Variants in FBXW8 observed in about 807,000 individuals in gnomAD.
FBXW8 encodes F-box and WD repeat domain containing 8.
FBXW8 carries 57 observed loss-of-function variants against 65.3 expected under a neutral mutation model. The ratio of observed to expected loss-of-function variants is 0.87; its 90% CI spans 0.71 to 1.09. The LOEUF (loss-of-function observed/expected upper bound fraction) is 1.09. FBXW8 is among the 50% of genes least tolerant of loss of function. FBXW8 has a pLI of 0.00. For synonymous variants in FBXW8, 308 were observed against 330.2 expected, an observed-to-expected ratio of 0.93 and a Z score of 0.73; for missense variants, 777 against 814.8, an observed-to-expected ratio of 0.95 and a Z score of 0.57.
At position 116,956,260 on chromosome 12, in the gene FBXW8, C is replaced by T. The variant is rs554879972; in HGVS notation, c.677+6554C>T. Among the ~76,000 whole-genome samples the T allele has an allele frequency of 5.3e-5, 8 of 152,176 alleles. No individual in the cohort carries two copies. The South Asian group carries it at 1.7e-3, about 32-fold the overall frequency. On this transcript the variant is annotated intron_variant, in intron 4 of 10. Transcript: ENST00000652555. ...CTGTGTATCCATGCTTCTCTTCTGCCTAGTGTGGTTGGAAGGAGAACTGTA... is the reference window on the plus strand; with the variant it reads ...CTGTGTATCCATGCTTCTCTTCTGCTTAGTGTGGTTGGAAGGAGAACTGTA...
chr12:116,917,473 T>C (rs1880522052), intron 1 of FBXW8, among the ~76,000 whole-genome samples: 1 of 152,238 alleles, frequency 6.6e-6, no homozygotes, highest in African/African-American at 2.4e-5. Context: ...CCTGCCCCCG[T>C]TTCTTCTCCA....
At chr12:117,005,676 A>T (rs1953657795) in intron 7 of FBXW8, among the ~76,000 whole-genome samples, 1 of 152,234 alleles carries the variant, frequency 6.6e-6, no homozygotes, top group Non-Finnish European at 1.5e-5. Flanking sequence ...GACCAGGGGA[A>T]TGGGCACTAT....
chr12:116,993,777 C>A (rs954553819), intron 7 of FBXW8, among the ~76,000 whole-genome samples: 1 of 152,118 alleles, frequency 6.6e-6, no homozygotes, highest in Non-Finnish European at 1.5e-5. Flanking sequence ...GTTTTTGTTA[C>A]ATTTGCTTTT....
chr12:116,931,351 C>T (rs1881757126), intron 2 of FBXW8, among the ~76,000 whole-genome samples: 1 of 149,600 alleles, frequency 6.7e-6, no homozygotes, highest in Admixed American at 6.7e-5. Context: ...CTCAGGATTG[C>T]TTTGGCTATT....
chr12:116,942,095 A>AAT (rs1882606063), intron 2 of FBXW8, among the ~76,000 whole-genome samples: 1 of 151,970 alleles, frequency 6.6e-6, no homozygotes, highest in South Asian at 2.1e-4. Flanking sequence ...ATGGTGCAAT[A>AAT]ATAGCTCACT....
chr12:116,962,332 T>C (rs1335490294), intron 4 of FBXW8, among the ~76,000 whole-genome samples: 1 of 152,202 alleles, frequency 6.6e-6, no homozygotes, highest in Non-Finnish European at 1.5e-5. Context: ...CTCACTATTG[T>C]CTGGTTCAGC....
chr12:116,988,776 C>T lies in FBXW8; in HGVS notation c.1146C>T (p.Tyr382=), dbSNP rs759275514. The change falls in exon 7 of 11, where the codon TAC becomes TAT. Residue 382 remains tyrosine (Y), a synonymous_variant. Transcript: ENST00000652555. ...KAEDSARTLL[Y]AHGPPVTCLD... is the part of the protein sequence containing the mutation. The stretch of plus-strand genomic sequence containing the variant: ...AAGACTCCGCCAGAACCCTCCTTTA[C>T]GCCCACGGCCCGCCTGTCACATGTC... 12 of 1,614,050 alleles carry T rather than the reference C, an allele frequency of 7.4e-6. No homozygotes were observed. In the Admixed American group the frequency reaches 1.0e-4, roughly 13 times the overall value.
intron 5 of FBXW8, among the ~76,000 whole-genome samples, chr12:116,981,767 C>T (rs934887366): frequency 7.9e-5 from 12 of 152,112 alleles, no homozygotes; most frequent in African/African-American, 2.9e-4. Flanking sequence ...GTGCCCACCA[C>T]AATGACTGGC....
chr12:116,985,885 A>C (rs1885644199), intron 6 of FBXW8: 1 of 153,388 alleles, frequency 6.5e-6, no homozygotes, highest in Admixed American at 6.4e-5. Context: ...CTCTTGCGTG[A>C]AGATAGATTT....
chr12:116,939,833 C>T (rs1882432968), intron 2 of FBXW8, among the ~76,000 whole-genome samples: 1 of 152,208 alleles, frequency 6.6e-6, no homozygotes, highest in Non-Finnish European at 1.5e-5. Context: ...TGGCCTGGCT[C>T]ACTCACAGCT....
chr12:117,022,224 G>A (rs1397431670), intron 8 of FBXW8, among the ~76,000 whole-genome samples: 1 of 152,050 alleles, frequency 6.6e-6, no homozygotes, highest in East Asian at 1.9e-4. Context: ...TCTGTCTCCT[G>A]GGGATTCGTT....
intron 1 of FBXW8, among the ~76,000 whole-genome samples, chr12:116,920,728 G>A (rs1880830887): frequency 6.6e-6 from 1 of 152,164 alleles, no homozygotes; most frequent in Non-Finnish European, 1.5e-5. Context: ...TTAGTTTAAT[G>A]CTCTGTTGCC....
chr12:116,958,524 A>G (rs1046617114), intron 4 of FBXW8, among the ~76,000 whole-genome samples: 60 of 152,314 alleles, frequency 3.9e-4, no homozygotes, highest in African/African-American at 1.3e-3. Context: ...CATTCCGTCA[A>G]CACCCACTAA....
At chr12:116,955,187 G>A (rs978333259) in intron 4 of FBXW8, among the ~76,000 whole-genome samples, 1 of 152,116 alleles carries the variant, frequency 6.6e-6, no homozygotes, top group African/African-American at 2.4e-5. Flanking sequence ...CTCCGTGAGC[G>A]CCTTCTCTGG....
At chr12:116,960,410 G>A (rs1054468606) in intron 4 of FBXW8, among the ~76,000 whole-genome samples, 25 of 152,054 alleles carry the variant, frequency 1.6e-4, no homozygotes, top group African/African-American at 6.0e-4. Context: ...GAGACGTAGA[G>A]GCTTTTATAT....
At chr12:116,965,076 T>C (rs1027271715) in intron 5 of FBXW8, among the ~76,000 whole-genome samples, 1 of 152,206 alleles carries the variant, frequency 6.6e-6, no homozygotes, top group African/African-American at 2.4e-5. Context: ...AAACTGGTGT[T>C]TAATTCCTAC....
rs558890633 is a variant in FBXW8, at chr12:116,963,084, C to T, written c.678-1613C>T. 1.6e-4 allele frequency among the ~76,000 whole-genome samples: 24 copies of T among 152,296 alleles called. No individual in the cohort carries two copies. The East Asian group carries it at 3.7e-3, about 23-fold the overall frequency. On this transcript the variant is annotated intron_variant, in intron 4 of 10. Transcript: ENST00000652555. The stretch of plus-strand genomic sequence containing the variant: ...AGGATCAGTGGTCAACCCAGAGGTA[C>T]AGCAGGCCAGGTTCAGAAAGCACGT...
chr12:116,949,490 GAAC>G (rs1465282869), intron 3 of FBXW8, 125 bp from the exon 4 acceptor site: 7 of 767,170 alleles, frequency 9.1e-6, no homozygotes, highest in Non-Finnish European at 1.6e-5. Context: ...AATGCCCATG[GAAC>G]TTTGAATGCA....
intron 5 of FBXW8, chr12:116,977,642 A>G (rs1213212048): frequency 6.6e-6 from 1 of 152,026 alleles, no homozygotes; most frequent in East Asian, 1.9e-4. Flanking sequence ...TTCGGGATAG[A>G]GTCTATATCA....
Sources: gnomAD v4.1 joint callset for allele counts (sites outside exome capture counted in the v4.1 genomes callset) on GRCh38, gnomAD v4.1.1 for gene constraint, MANE v1.5 for transcripts, NCBI Gene and HGNC (gene_info 2026-07-23, HGNC 2026-07-21) for gene names.